The following UBE3D variants were observed in gnomAD, a reference collection of about 807,000 sequenced individuals.
UBE3D encodes the protein E3 ubiquitin-protein ligase E3D.
Under a neutral mutation model 49.6 loss-of-function variants are expected in UBE3D, and 48 were observed. The ratio of observed to expected loss-of-function variants is 0.97; its 90% CI spans 0.77 to 1.23. The LOEUF (loss-of-function observed/expected upper bound fraction) is 1.23, where lower values mean the gene tolerates loss of function less well. Ranked by LOEUF, UBE3D falls within the 50% of genes most tolerant of loss-of-function variation. The pLI, the probability that UBE3D is intolerant of heterozygous loss-of-function variation, is 0.00. For synonymous variants in UBE3D, 189 were observed against 174.2 expected (o/e 1.08, Z -0.67); for missense variants, 452 against 468.4 (o/e 0.96, Z 0.32).
intron 9 of UBE3D, among the ~76,000 whole-genome samples, chr6:82,918,187 T>G (rs564050370): frequency 1.8e-4 from 27 of 152,138 alleles, no homozygotes; most frequent in African/African-American, 6.3e-4. Flanking sequence ...GGAATAGTTG[T>G]ATATTTCTCT....
At position 83,054,171 on chromosome 6, in the gene UBE3D, G is replaced by T. The variant is rs200573592; in HGVS notation, c.342C>A (p.Cys114Ter). 1 of 1,613,578 alleles carries T rather than the reference G, an allele frequency of 6.2e-7. No homozygotes were observed. The highest frequency in any genetic ancestry group is 8.5e-7 in the Non-Finnish European group (1 of 1,179,770). Residue 114 changes from cysteine to a stop codon, truncating the protein, a stop_gained, in exon 3 of 10, where the codon TGC becomes TGA. Coordinates refer to ENST00000369747, the MANE Select transcript of UBE3D (RefSeq NM_198920.3). LOFTEE classifies it high-confidence loss of function. ...ACCTGTCTTTTATTATGACTTCACC[G>T]CAGGATTGGCAATAAAACGTGCAAC... ...QECCTFYCQS[C>*]GEVIIKDRKL...
At chr6:83,021,804 GC>G (rs1781114881) in intron 7 of UBE3D, among the ~76,000 whole-genome samples, 1 of 151,910 alleles carries the variant, frequency 6.6e-6, no homozygotes, top group African/African-American at 2.4e-5. Flanking sequence ...AGGAGGCTGA[GC>G]TTGCAGTGAG....
At chr6:83,033,601 C>T (rs1462216189) in intron 5 of UBE3D, among the ~76,000 whole-genome samples, 2 of 152,114 alleles carry the variant, frequency 1.3e-5, no homozygotes, top group Non-Finnish European at 2.9e-5. Flanking sequence ...TAGCACCTCC[C>T]TTCATTCTCT....
At chr6:82,984,892 C>G (rs1193940328) in intron 8 of UBE3D, among the ~76,000 whole-genome samples, 2 of 151,846 alleles carry the variant, frequency 1.3e-5, no homozygotes, top group Admixed American at 1.3e-4. Flanking sequence ...CTCCCTAAAG[C>G]CTTTATCTTC....
At chr6:83,064,035 T>C (rs1404631012) in intron 1 of UBE3D, among the ~76,000 whole-genome samples, 1 of 152,070 alleles carries the variant, frequency 6.6e-6, no homozygotes, top group African/African-American at 2.4e-5. Context: ...ATTCATACAA[T>C]GGAAAACTTA....
chr6:82,899,271 G>A (rs1180300375), intron 9 of UBE3D, among the ~76,000 whole-genome samples: 2 of 152,134 alleles, frequency 1.3e-5, no homozygotes, highest in African/African-American at 2.4e-5. Flanking sequence ...AGAAGATCCT[G>A]TCCCTCCAAA....
chr6:82,967,703 G>A (rs1582496025), intron 8 of UBE3D, among the ~76,000 whole-genome samples: 1 of 151,832 alleles, frequency 6.6e-6, no homozygotes, highest in Non-Finnish European at 1.5e-5. Flanking sequence ...GTGCAGTGGC[G>A]TGATCATAGC....
intron 8 of UBE3D, among the ~76,000 whole-genome samples, chr6:82,963,831 A>T (rs1776722812): frequency 6.6e-6 from 1 of 152,174 alleles, no homozygotes; most frequent in South Asian, 2.1e-4. Context: ...CATAAATATC[A>T]ATACAAATGT....
intron 3 of UBE3D, among the ~76,000 whole-genome samples, chr6:83,052,300 C>T (rs1030301757): frequency 6.6e-6 from 1 of 152,132 alleles, no homozygotes; most frequent in Non-Finnish European, 1.5e-5. Flanking sequence ...GAAGGGACTA[C>T]CCTGTACTGC....
At chr6:82,998,217 A>C (rs1029972921) in intron 8 of UBE3D, among the ~76,000 whole-genome samples, 4 of 152,240 alleles carry the variant, frequency 2.6e-5, no homozygotes, top group Non-Finnish European at 5.9e-5. Context: ...TTTGCTTTGC[A>C]ATAGAGGTAC....
At chr6:83,064,044 T>A (rs1410636010) in intron 1 of UBE3D, among the ~76,000 whole-genome samples, 1 of 152,126 alleles carries the variant, frequency 6.6e-6, no homozygotes, top group Non-Finnish European at 1.5e-5. Flanking sequence ...ATGGAAAACT[T>A]AGCAAGAAAA....
chr6:83,025,796 T>C (rs1242876924), intron 5 of UBE3D, among the ~76,000 whole-genome samples: 1 of 148,682 alleles, frequency 6.7e-6, no homozygotes. Context: ...GGCAGGATAA[T>C]TGCTTGAAAC....
rs1033119966 is a variant in UBE3D at position 82,892,959 on chromosome 6, G to A, written c.*63C>T. 11 of 1,592,730 alleles carry A rather than the reference G, an allele frequency of 6.9e-6. No individual in the cohort carries two copies. The highest frequency in any genetic ancestry group is 1.3e-5 in the African/African-American group (1 of 74,460). ...ATTGATGCCTCCTGAGCTGACTGCT[G>A]GCCTCGGTGTGCTCCTGCTTGAGAG... On this transcript the variant is annotated 3_prime_UTR_variant, in exon 10 of 10. Coordinates refer to ENST00000369747, the MANE Select transcript of UBE3D (RefSeq NM_198920.3).
intron 8 of UBE3D, among the ~76,000 whole-genome samples, chr6:82,970,894 TCTC>T (rs931751293): frequency 6.6e-6 from 1 of 151,974 alleles, no homozygotes; most frequent in Non-Finnish European, 1.5e-5. Context: ...AGGGACTCTC[TCTC>T]CTCAACAACA....
At chr6:83,019,420 C>A (rs1040069601) in intron 7 of UBE3D, among the ~76,000 whole-genome samples, 1 of 149,218 alleles carries the variant, frequency 6.7e-6, no homozygotes, top group Non-Finnish European at 1.5e-5. Context: ...GGTAAAACAG[C>A]CCAAGAGAAA....
intron 9 of UBE3D, among the ~76,000 whole-genome samples, chr6:82,941,411 T>A (rs983115541): frequency 1.3e-5 from 2 of 152,012 alleles, no homozygotes. Flanking sequence ...GATGAGGTCA[T>A]TTATGTAGTA....
chr6:83,064,579 G>C (rs1343553742), intron 1 of UBE3D, among the ~76,000 whole-genome samples: 1 of 152,094 alleles, frequency 6.6e-6, no homozygotes, highest in African/African-American at 2.4e-5. Context: ...CTGCATGAGA[G>C]GAAGGGAGGG....
At chr6:82,902,345 G>A (rs1771799316) in intron 9 of UBE3D, among the ~76,000 whole-genome samples, 1 of 151,542 alleles carries the variant, frequency 6.6e-6, no homozygotes, top group African/African-American at 2.4e-5. Flanking sequence ...GTACACGAAT[G>A]TTTAAGGCAG....
At chr6:82,965,053 A>T (rs1776811771) in intron 8 of UBE3D, among the ~76,000 whole-genome samples, 2 of 152,292 alleles carry the variant, frequency 1.3e-5, no homozygotes, top group Admixed American at 1.3e-4. Flanking sequence ...TAAGTACACA[A>T]TTCCTGAATG....
Sources: allele counts gnomAD v4.1 joint callset (sites outside exome capture counted in the v4.1 genomes callset), GRCh38; gene constraint gnomAD v4.1.1; transcripts MANE v1.5; gene names NCBI Gene and HGNC (gene_info 2026-07-23, HGNC 2026-07-21).